The following GALNT17 variants were observed in gnomAD, a reference collection of about 807,000 sequenced individuals.
GALNT17 encodes polypeptide N-acetylgalactosaminyltransferase 17, also known as UDP-GalNAc:polypeptide N-acetylgalactosaminyltransferase-like 3.
Under a neutral mutation model 63.7 loss-of-function variants are expected in GALNT17, and 29 were observed. The ratio of observed to expected loss-of-function variants is 0.46; its 90% CI spans 0.34 to 0.62. The LOEUF is 0.62. GALNT17 is among the 20% of genes least tolerant of loss of function. The pLI is 0.01. For synonymous variants in GALNT17, 305 were observed against 318.3 expected, an observed-to-expected ratio of 0.96 and a Z score of 0.45; for missense variants, 603 against 799.6, an observed-to-expected ratio of 0.75 and a Z score of 2.97.
At chr7:71,154,211 G>GGA (rs1269558541) in intron 1 of GALNT17, among the ~76,000 whole-genome samples, 2 of 136,064 alleles carry the variant, frequency 1.5e-5, no homozygotes, top group South Asian at 2.2e-4. Context: ...GGGACCATGT[G>GGA]GAGAGAGAGA....
intron 5 of GALNT17, among the ~76,000 whole-genome samples, chr7:71,503,946 T>A (rs946330744): frequency 6.6e-6 from 1 of 151,064 alleles, no homozygotes; most frequent in Admixed American, 6.6e-5. Flanking sequence ...ATACAAAAAA[T>A]GGCCAGGCGC....
intron 1 of GALNT17, among the ~76,000 whole-genome samples, chr7:71,280,653 C>G (rs145320591): frequency 3.4e-4 from 52 of 152,336 alleles, no homozygotes; most frequent in African/African-American, 1.2e-3. Context: ...AGCAATGGGA[C>G]TCTGCCCTCC....
At chr7:71,597,358 A>G (rs761246961) in intron 6 of GALNT17, among the ~76,000 whole-genome samples, 1 of 151,670 alleles carries the variant, frequency 6.6e-6, no homozygotes, top group Non-Finnish European at 1.5e-5. Flanking sequence ...GTTTTAAATG[A>G]TTAGCTGAGT....
intron 1 of GALNT17, among the ~76,000 whole-genome samples, chr7:71,217,551 T>G (rs1039759645): frequency 6.6e-6 from 1 of 152,126 alleles, no homozygotes; most frequent in Non-Finnish European, 1.5e-5. Flanking sequence ...TTTTTTTTGT[T>G]GTTGTTCTTA....
At chr7:71,359,591 A>T (rs968750024) in intron 2 of GALNT17, among the ~76,000 whole-genome samples, 21 of 146,190 alleles carry the variant, frequency 1.4e-4, no homozygotes, top group Non-Finnish European at 2.6e-4. Context: ...AGTGGGTATA[A>T]TTTTTTTTTT....
chr7:71,358,344 G>A (rs1014989071), intron 2 of GALNT17, among the ~76,000 whole-genome samples: 1 of 152,338 alleles, frequency 6.6e-6, no homozygotes, highest in African/African-American at 2.4e-5. Context: ...GTAGTGAGTC[G>A]AGATTGCGCC....
At chr7:71,194,308 C>T (rs903853775) in intron 1 of GALNT17, among the ~76,000 whole-genome samples, 6 of 152,174 alleles carry the variant, frequency 3.9e-5, no homozygotes, top group African/African-American at 1.4e-4. Context: ...GACTGTGGTC[C>T]TCATCGAATA....
intron 5 of GALNT17, among the ~76,000 whole-genome samples, chr7:71,554,772 G>A (rs1377848910): frequency 1.3e-5 from 2 of 152,224 alleles, no homozygotes; most frequent in African/African-American, 4.8e-5. Flanking sequence ...GAGCAGTAGG[G>A]TGAGGCTGAA....
At chr7:71,414,361 GATTTACC>G (rs1793486840) in intron 3 of GALNT17, among the ~76,000 whole-genome samples, 1 of 152,196 alleles carries the variant, frequency 6.6e-6, no homozygotes, top group African/African-American at 2.4e-5. Flanking sequence ...ATTATTATTA[GATTTACC>G]ATTTATTGAA....
chr7:71,559,991 C>T (rs933566159), intron 5 of GALNT17, among the ~76,000 whole-genome samples: 5 of 150,944 alleles, frequency 3.3e-5, no homozygotes, highest in African/African-American at 4.9e-5. Flanking sequence ...GTCAGGAGTT[C>T]GAGACCAGCC....
chr7:71,529,113 T>C (rs1019211538), intron 5 of GALNT17, among the ~76,000 whole-genome samples: 2 of 152,002 alleles, frequency 1.3e-5, no homozygotes, highest in African/African-American at 2.4e-5. Context: ...CCAGCCTGGG[T>C]GACAGACCAA....
chr7:71,614,348 G>T (rs1790167006), intron 6 of GALNT17, among the ~76,000 whole-genome samples: 1 of 151,296 alleles, frequency 6.6e-6, no homozygotes, highest in African/African-American at 2.4e-5. Context: ...CCAAATTATG[G>T]ATGCTCAGCC....
intron 1 of GALNT17, among the ~76,000 whole-genome samples, chr7:71,173,910 T>C (rs1222755801): frequency 1.3e-5 from 2 of 152,232 alleles, no homozygotes; most frequent in Non-Finnish European, 2.9e-5. Context: ...ATAAATGCAG[T>C]TGAATGCATG....
intron 1 of GALNT17, among the ~76,000 whole-genome samples, chr7:71,331,289 C>A (rs961107588): frequency 6.6e-6 from 1 of 152,168 alleles, no homozygotes; most frequent in Non-Finnish European, 1.5e-5. Flanking sequence ...TCACTGACCG[C>A]TGCCTTAAAA....
intron 3 of GALNT17, among the ~76,000 whole-genome samples, chr7:71,395,405 A>G (rs1793120742): frequency 6.6e-6 from 1 of 152,212 alleles, no homozygotes; most frequent in Admixed American, 6.5e-5. Context: ...ATTGTGGCAT[A>G]TATAAGTACT....
chr7:71,406,449 C>T (rs1438156332), intron 3 of GALNT17, among the ~76,000 whole-genome samples: 1 of 152,056 alleles, frequency 6.6e-6, no homozygotes, highest in East Asian at 1.9e-4. Context: ...GAGAATGCCT[C>T]AAATTGTGTA....
chr7:71,438,353 C>T (rs1244099091), intron 5 of GALNT17, among the ~76,000 whole-genome samples: 1 of 152,186 alleles, frequency 6.6e-6, no homozygotes, highest in Non-Finnish European at 1.5e-5. Context: ...TCACGTTTTT[C>T]TGCCTGCTTT....
intron 6 of GALNT17, among the ~76,000 whole-genome samples, chr7:71,583,683 G>C (rs1789671476): frequency 6.6e-6 from 1 of 152,020 alleles, no homozygotes; most frequent in South Asian, 2.1e-4. Flanking sequence ...GTAACAGGCT[G>C]ATCTATGTAG....
At chr7:71,462,876 T>C (rs1405438537) in intron 5 of GALNT17, among the ~76,000 whole-genome samples, 1 of 152,240 alleles carries the variant, frequency 6.6e-6, no homozygotes, top group Admixed American at 6.5e-5. Flanking sequence ...TTAGTGATTT[T>C]GGGTACCCAA....
Sources: gnomAD v4.1 joint callset for allele counts (sites outside exome capture counted in the v4.1 genomes callset) on GRCh38, gnomAD v4.1.1 for gene constraint, MANE v1.5 for transcripts, NCBI Gene and HGNC (gene_info 2026-07-23, HGNC 2026-07-21) for gene names.